IL1RAPL1: variants seen among roughly 807,000 people sequenced by gnomAD.
IL1RAPL1 encodes the protein interleukin-1 receptor accessory protein-like 1.
A neutral mutation model predicts 48.4 loss-of-function variants in IL1RAPL1; 3 were observed. The observed-to-expected ratio is 0.06, with a 90% CI of 0.03 to 0.16. The LOEUF (loss-of-function observed/expected upper bound fraction) is 0.16, where lower values mean the gene tolerates loss of function less well. IL1RAPL1 is among the 10% of genes least tolerant of loss of function. The pLI, the probability that IL1RAPL1 is intolerant of heterozygous loss-of-function variation, is 1.00. For missense variants in IL1RAPL1, 349 were observed against 530.6 expected (o/e 0.66, Z 3.36); for synonymous variants, 185 against 187.7 (o/e 0.99, Z 0.12).
intron 2 of IL1RAPL1, among the ~76,000 whole-genome samples, chrX:28,845,706 A>G (rs2147294192): frequency 8.9e-6 from 1 of 112,091 alleles, no homozygotes; most frequent in South Asian, 3.7e-4. Context: ...AGGGGATTCT[A>G]TTGTATACTT....
At chrX:29,472,676 C>T (rs539531661) in intron 5 of IL1RAPL1, among the ~76,000 whole-genome samples, 3 of 111,594 alleles carry the variant, frequency 2.7e-5, no homozygotes, top group African/African-American at 6.5e-5. Flanking sequence ...GGGTTCAGAT[C>T]CAAAGTCTAC....
In IL1RAPL1 at chrX:28,998,534, A is replaced by G. The variant is rs571237168; in HGVS notation, c.82+209109A>G. 5.4e-5 allele frequency among the ~76,000 whole-genome samples: 6 copies of G among 112,080 alleles called. No homozygotes were observed. In the South Asian group the frequency reaches 1.9e-3, roughly 35 times the overall value. The stretch of plus-strand genomic sequence containing the variant: ...CTTCTATATGTGATAATATGTTTAA[A>G]TGTAATTAACTGTTCTGCTTTTGCC... On this transcript the variant is annotated intron_variant, in intron 2 of 10. Coordinates refer to ENST00000378993, the MANE Select transcript of IL1RAPL1 (RefSeq NM_014271.4).
intron 5 of IL1RAPL1, among the ~76,000 whole-genome samples, chrX:29,408,107 A>G (rs1934098150): frequency 9.0e-6 from 1 of 111,703 alleles, no homozygotes; most frequent in Non-Finnish European, 1.9e-5. Context: ...CGTCATATCC[A>G]GAGGTGGTCC....
chrX:28,762,431 G>A (rs1936183154), intron 1 of IL1RAPL1, among the ~76,000 whole-genome samples: 1 of 111,374 alleles, frequency 9.0e-6, no homozygotes, highest in Non-Finnish European at 1.9e-5. Context: ...GCAAAAGGCT[G>A]CATGGCGTTC....
At chrX:29,230,527 A>AC (rs1555978840) in intron 2 of IL1RAPL1, among the ~76,000 whole-genome samples, 4 of 98,775 alleles carry the variant, frequency 4.0e-5, no homozygotes, top group Non-Finnish European at 8.2e-5. Context: ...AAAAAAAAAA[A>AC]AAAAAAAACC....
intron 2 of IL1RAPL1, among the ~76,000 whole-genome samples, chrX:29,099,349 G>C (rs1038624791): frequency 2.7e-5 from 3 of 111,628 alleles, no homozygotes; most frequent in African/African-American, 9.8e-5. Flanking sequence ...TTGATGTTTG[G>C]TTGATAAATC....
chrX:28,689,207 A>T (rs749229204), intron 1 of IL1RAPL1, among the ~76,000 whole-genome samples: 1 of 111,008 alleles, frequency 9.0e-6, no homozygotes, highest in Non-Finnish European at 1.9e-5. Context: ...TCCCCACCCA[A>T]AATCTCACCT....
At chrX:28,847,047 A>G (rs996462053) in intron 2 of IL1RAPL1, among the ~76,000 whole-genome samples, 3 of 111,511 alleles carry the variant, frequency 2.7e-5, no homozygotes, top group African/African-American at 9.8e-5. Context: ...TTTTTGTCTA[A>G]ATGGGTATGT....
chrX:29,628,067 C>T (rs764594922), intron 5 of IL1RAPL1, among the ~76,000 whole-genome samples: 9 of 112,106 alleles, frequency 8.0e-5, no homozygotes, highest in Middle Eastern at 4.7e-3. Context: ...GTACTTTAAC[C>T]ACAGTTGACT....
At chrX:29,035,515 G>A (rs867967253) in intron 2 of IL1RAPL1, among the ~76,000 whole-genome samples, 1 of 111,295 alleles carries the variant, frequency 9.0e-6, no homozygotes, top group African/African-American at 3.3e-5. Context: ...AACTTTAGGC[G>A]GGTTAAAAAT....
chrX:28,999,873 T>G (rs1363852002), intron 2 of IL1RAPL1, among the ~76,000 whole-genome samples: 1 of 111,936 alleles, frequency 8.9e-6, no homozygotes, highest in Admixed American at 9.6e-5. Context: ...TTTTCAAATA[T>G]AATTCAACAA....
At chrX:29,239,656 G>T (rs1416423742) in intron 2 of IL1RAPL1, among the ~76,000 whole-genome samples, 13 of 111,681 alleles carry the variant, frequency 1.2e-4, no homozygotes, top group African/African-American at 4.2e-4. Flanking sequence ...TGCAGCCCAG[G>T]ATGGCTTTGA....
intron 2 of IL1RAPL1, among the ~76,000 whole-genome samples, chrX:28,962,876 G>A (rs1043964848): frequency 6.4e-5 from 6 of 93,972 alleles, no homozygotes; most frequent in Non-Finnish European, 1.2e-4. Flanking sequence ...TTGTGTGTCT[G>A]TGTGTATGTG....
chrX:28,658,570 C>A (rs1934778590), intron 1 of IL1RAPL1, among the ~76,000 whole-genome samples: 1 of 109,108 alleles, frequency 9.2e-6, no homozygotes, highest in Non-Finnish European at 1.9e-5. Context: ...ATTTTAATAG[C>A]AAACTTACAG....
chrX:28,759,061 AC>A (rs1263174673), intron 1 of IL1RAPL1, among the ~76,000 whole-genome samples: 1 of 111,125 alleles, frequency 9.0e-6, no homozygotes, highest in Non-Finnish European at 1.9e-5. Flanking sequence ...ATATGGCAAA[AC>A]CCTATTTCTA....
At chrX:29,020,278 T>C (rs1448996518) in intron 2 of IL1RAPL1, among the ~76,000 whole-genome samples, 1 of 112,425 alleles carries the variant, frequency 8.9e-6, no homozygotes, top group Non-Finnish European at 1.9e-5. Context: ...ATGCTCTGCA[T>C]GATGTTTTGG....
At chrX:28,996,045 A>G (rs748242061) in intron 2 of IL1RAPL1, among the ~76,000 whole-genome samples, 1 of 111,792 alleles carries the variant, frequency 8.9e-6, no homozygotes, top group Non-Finnish European at 1.9e-5. Context: ...AATTAATTTT[A>G]GAACATTTTC....
intron 8 of IL1RAPL1, among the ~76,000 whole-genome samples, chrX:29,936,556 CACAG>C (rs1246584574): frequency 9.6e-6 from 1 of 104,622 alleles, no homozygotes; most frequent in Non-Finnish European, 2.0e-5. Flanking sequence ...CACACACACA[CACAG>C]ATCAAATAGA....
At chrX:29,457,982 T>G (rs1303977572) in intron 5 of IL1RAPL1, among the ~76,000 whole-genome samples, 1 of 112,157 alleles carries the variant, frequency 8.9e-6, no homozygotes, top group Non-Finnish European at 1.9e-5. Context: ...GTTGGCTGCT[T>G]GTACATCCTT....
Sources: allele counts gnomAD v4.1 joint callset (sites outside exome capture counted in the v4.1 genomes callset), GRCh38; gene constraint gnomAD v4.1.1; transcripts MANE v1.5; gene names NCBI Gene and HGNC (gene_info 2026-07-23, HGNC 2026-07-21).